RIMS2: variants seen among roughly 807,000 people sequenced by gnomAD.
RIMS2 encodes the protein regulating synaptic membrane exocytosis protein 2.
A neutral mutation model predicts 174.4 loss-of-function variants in RIMS2; 59 were observed. The ratio of observed to expected loss-of-function variants is 0.34; its 90% CI spans 0.27 to 0.42. The LOEUF (loss-of-function observed/expected upper bound fraction) is 0.42, where lower values mean the gene tolerates loss of function less well. Among genes scored for constraint, RIMS2 ranks in the 10% least tolerant of loss-of-function variants. The probability of loss-of-function intolerance (pLI) is 1.00; values close to 1 mark genes in which losing one functional copy is unlikely to be tolerated. For missense variants in RIMS2, 1,620 were observed against 1,666.3 expected (o/e 0.97, Z 0.48); for synonymous variants, 606 against 572.5 (o/e 1.06, Z -0.84).
At chr8:103,680,718 G>T (rs1036135269) in intron 1 of RIMS2, among the ~76,000 whole-genome samples, 1 of 151,974 alleles carries the variant, frequency 6.6e-6, no homozygotes, top group African/African-American at 2.4e-5. Context: ...CAGTTCATCG[G>T]AAGGGCAGTC....
At chr8:104,169,439 TCTC>T (rs781455538) in intron 19 of RIMS2, among the ~76,000 whole-genome samples, 23 of 151,304 alleles carry the variant, frequency 1.5e-4, no homozygotes, top group Non-Finnish European at 2.5e-4. Context: ...AATTTACCCA[TCTC>T]CTCCAGATTT....
chr8:103,934,449 TTG>T (rs1468016042), intron 12 of RIMS2, among the ~76,000 whole-genome samples: 38 of 152,280 alleles, frequency 2.5e-4, no homozygotes, highest in Admixed American at 4.6e-4. Context: ...TTTTTTTAAC[TTG>T]CTGAAGATAA....
intron 4 of RIMS2, among the ~76,000 whole-genome samples, chr8:103,905,590 A>T (rs1041369848): frequency 6.6e-6 from 1 of 151,020 alleles, no homozygotes; most frequent in African/African-American, 2.4e-5. Flanking sequence ...AGGGTTTTAC[A>T]TAGTTTTTCA....
chr8:103,757,380 A>T (rs990029359), intron 2 of RIMS2, among the ~76,000 whole-genome samples: 5 of 152,126 alleles, frequency 3.3e-5, no homozygotes, highest in Non-Finnish European at 5.9e-5. Flanking sequence ...GATTAATTTG[A>T]TGAATTTAAC....
At chr8:103,749,314 A>G (rs942248230) in intron 2 of RIMS2, among the ~76,000 whole-genome samples, 1 of 147,282 alleles carries the variant, frequency 6.8e-6, no homozygotes, top group Non-Finnish European at 1.5e-5. Flanking sequence ...GGGTTTCACC[A>G]TGTTCTCCAG....
chr8:104,213,888 AAAGAAGAAG>A lies in RIMS2; in HGVS notation c.3335-31005_3335-30997del, dbSNP rs762065499. 4.9e-4 allele frequency among the ~76,000 whole-genome samples: 72 copies of A among 148,186 alleles called. No individual in the cohort carries two copies. In the South Asian group the frequency reaches 4.9e-3, roughly 10 times the overall value. ...GAGACTCTGCCTCGGAAAAAAAAAA[AAAGAAGAAG>A]AAGAAGAAGAAGAAGAAGAAGAGAA... On this transcript the variant is annotated intron_variant, in intron 19 of 23. Transcript: ENST00000504942.
chr8:103,721,070 C>T (rs1405351930), intron 2 of RIMS2, among the ~76,000 whole-genome samples: 1 of 152,072 alleles, frequency 6.6e-6, no homozygotes, highest in Non-Finnish European at 1.5e-5. Flanking sequence ...TTAGCACCAT[C>T]CCTTTGGTGC....
intron 2 of RIMS2, among the ~76,000 whole-genome samples, chr8:103,700,551 A>G (rs1379531161): frequency 2.0e-5 from 3 of 151,956 alleles, no homozygotes; most frequent in South Asian, 4.1e-4. Flanking sequence ...TAGCCAGCAT[A>G]TAGTTGGATC....
At chr8:103,750,380 A>G (rs778095205) in intron 2 of RIMS2, among the ~76,000 whole-genome samples, 1 of 152,178 alleles carries the variant, frequency 6.6e-6, no homozygotes, top group Non-Finnish European at 1.5e-5. Flanking sequence ...CTTTTCCATT[A>G]TATAGAAGAT....
At chr8:103,829,074 A>G (rs1249519850) in intron 3 of RIMS2, among the ~76,000 whole-genome samples, 5 of 139,060 alleles carry the variant, frequency 3.6e-5, no homozygotes, top group Non-Finnish European at 7.6e-5. Context: ...TTCTATGTGA[A>G]TTTAATAATA....
chr8:103,582,039 G>A lies in RIMS2; in HGVS notation c.176+80977G>A, dbSNP rs936789968. 1.3e-5 allele frequency among the ~76,000 whole-genome samples: 2 copies of A among 152,192 alleles called. 1 individual carries two copies. Among genetic ancestry groups the A allele is most frequent in the Non-Finnish European group, 2.9e-5 (2 of 68,030 alleles). On this transcript the variant is annotated intron_variant, in intron 1 of 23. Coordinates refer to ENST00000504942, the Ensembl canonical transcript of RIMS2. ...AAAGAGAACTCTTTCTTCCAATTGA[G>A]GAGAGGAGAGGGAAGAGTGGGGAGG... is the stretch of plus-strand genomic sequence containing the variant.
At chr8:103,511,859 T>C (rs990942586) in intron 1 of RIMS2, among the ~76,000 whole-genome samples, 4 of 152,104 alleles carry the variant, frequency 2.6e-5, no homozygotes, top group African/African-American at 9.7e-5. Flanking sequence ...GTAGAGTACC[T>C]ATGACAGAAA....
intron 19 of RIMS2, among the ~76,000 whole-genome samples, chr8:104,203,606 C>T (rs887238661): frequency 1.3e-5 from 2 of 148,304 alleles, no homozygotes; most frequent in Non-Finnish European, 3.0e-5. Flanking sequence ...TGGGTTCAAG[C>T]GATTCTCCTG....
At chr8:103,832,795 T>C (rs1397463924) in intron 3 of RIMS2, among the ~76,000 whole-genome samples, 1 of 152,254 alleles carries the variant, frequency 6.6e-6, no homozygotes, top group African/African-American at 2.4e-5. Flanking sequence ...TAGTTCTTAT[T>C]GGTTGCACTT....
chr8:103,549,316 C>G (rs1018536409), intron 1 of RIMS2, among the ~76,000 whole-genome samples: 2 of 152,120 alleles, frequency 1.3e-5, no homozygotes, highest in Non-Finnish European at 2.9e-5. Flanking sequence ...GGCCAATATT[C>G]AACAATCTTA....
At chr8:104,151,287 G>A (rs1258850641) in intron 19 of RIMS2, among the ~76,000 whole-genome samples, 1 of 152,184 alleles carries the variant, frequency 6.6e-6, no homozygotes, top group East Asian at 1.9e-4. Flanking sequence ...AAGAGGAGTG[G>A]TTGCGGCATG....
intron 1 of RIMS2, among the ~76,000 whole-genome samples, chr8:103,552,236 A>G (rs1848307748): frequency 1.3e-5 from 2 of 152,220 alleles, no homozygotes; most frequent in Non-Finnish European, 2.9e-5. Context: ...ACAGCATGGC[A>G]CTGGTACCAA....
At chr8:103,815,565 G>C (rs2098713437) in intron 3 of RIMS2, among the ~76,000 whole-genome samples, 1 of 152,088 alleles carries the variant, frequency 6.6e-6, no homozygotes, top group Admixed American at 6.6e-5. Flanking sequence ...CTCTCTGCTG[G>C]ACTCAATGTA....
intron 3 of RIMS2, among the ~76,000 whole-genome samples, chr8:103,868,467 G>T (rs1381341578): frequency 1.3e-5 from 2 of 151,684 alleles, no homozygotes; most frequent in African/African-American, 4.8e-5. Context: ...TTTTGTTTAA[G>T]TTCTAAAAAG....
Sources: gnomAD v4.1 joint callset for allele counts (sites outside exome capture counted in the v4.1 genomes callset) on GRCh38, gnomAD v4.1.1 for gene constraint, MANE v1.5 for transcripts, NCBI Gene and HGNC (gene_info 2026-07-23, HGNC 2026-07-21) for gene names.